The following RPTOR variants were observed in gnomAD, a reference collection of about 807,000 sequenced individuals.
RPTOR encodes the protein regulatory-associated protein of mTOR.
A neutral mutation model predicts 169.9 loss-of-function variants in RPTOR; 21 were observed. That is an observed-to-expected ratio of 0.12 (90% CI 0.09 to 0.18). The LOEUF (loss-of-function observed/expected upper bound fraction) is 0.18. RPTOR is among the 10% of genes least tolerant of loss of function. The probability of loss-of-function intolerance (pLI) is 1.00; values close to 1 mark genes in which losing one functional copy is unlikely to be tolerated. For synonymous variants in RPTOR, 732 were observed against 753.2 expected, an observed-to-expected ratio of 0.97 and a Z score of 0.46; for missense variants, 1,133 against 1,855.9, an observed-to-expected ratio of 0.61 and a Z score of 7.16.
chr17:80,890,463 GA>G (rs1292298138), intron 17 of RPTOR, among the ~76,000 whole-genome samples: 1 of 151,880 alleles, frequency 6.6e-6, no homozygotes, highest in Non-Finnish European at 1.5e-5. Context: ...AGTTGGAGAC[GA>G]GCGCCAGAAC....
Position 80,633,778 on chromosome 17 carries a change from T to C in RPTOR, c.265+7985T>C, listed in dbSNP as rs1208394902. ...CATTTTGAACTCATGGCCTCCATTT[T>C]CATTCAGTGGATTTAGAATCCAGTG... On this transcript the variant is annotated intron_variant, in intron 2 of 33. Coordinates refer to ENST00000306801, the MANE Select transcript of RPTOR (RefSeq NM_020761.3). The surrounding 1 kb of genome is among the most constrained non-coding windows in gnomAD (Gnocchi z 4.1). Among the ~76,000 whole-genome samples, 1 of 152,242 alleles carries C rather than the reference T, an allele frequency of 6.6e-6. No homozygotes were observed. Among genetic ancestry groups the C allele is most frequent in the African/African-American group, 2.4e-5 (1 of 41,468 alleles).
chr17:80,761,968 C>T (rs749158744), intron 6 of RPTOR, among the ~76,000 whole-genome samples: 1 of 152,164 alleles, frequency 6.6e-6, no homozygotes, highest in South Asian at 2.1e-4. Flanking sequence ...TCTGGAGAAA[C>T]GGCTTTATGA....
At chr17:80,815,135 C>T (rs917081143) in intron 7 of RPTOR, among the ~76,000 whole-genome samples, 10 of 152,244 alleles carry the variant, frequency 6.6e-5, no homozygotes, top group Non-Finnish European at 1.2e-4. Flanking sequence ...ATGGCAGCCG[C>T]GTGACTGTGC....
Position 80,663,362 on chromosome 17 carries a change from G to A in RPTOR, c.348+19552G>A, listed in dbSNP as rs74550077. Among the ~76,000 whole-genome samples the A allele has an allele frequency of 5.0e-3, 758 of 152,094 alleles. 4 individuals carry two copies. Among genetic ancestry groups the A allele is most frequent in the Non-Finnish European group, 8.9e-3 (605 of 67,994 alleles). On this transcript the variant is annotated intron_variant, in intron 3 of 33. Coordinates refer to ENST00000306801, the MANE Select transcript of RPTOR (RefSeq NM_020761.3). ...GGTTGTATGTTTCCAGTTACATTTT[G>A]CAAGCCACTCTAAATTGACAAAAAT...
At chr17:80,822,567 C>T (rs1331366836) in intron 8 of RPTOR, among the ~76,000 whole-genome samples, 2 of 152,238 alleles carry the variant, frequency 1.3e-5, no homozygotes, top group Admixed American at 1.3e-4. Context: ...TTACTGCGCA[C>T]CGGCGGCTTA....
At chr17:80,850,438 G>A (rs969261681) in intron 11 of RPTOR, among the ~76,000 whole-genome samples, 5 of 152,224 alleles carry the variant, frequency 3.3e-5, no homozygotes, top group African/African-American at 1.2e-4. Context: ...AGACGCTGCA[G>A]TTTCCTCATC....
At chr17:80,863,869 G>A (rs796266409) in intron 13 of RPTOR, among the ~76,000 whole-genome samples, 11 of 152,306 alleles carry the variant, frequency 7.2e-5, no homozygotes, top group African/African-American at 2.6e-4. Flanking sequence ...GCAAAGAGCC[G>A]TGATTGTGCC....
chr17:80,906,628 C>A (rs1182370677), intron 20 of RPTOR, among the ~76,000 whole-genome samples: 1 of 152,234 alleles, frequency 6.6e-6, no homozygotes, highest in African/African-American at 2.4e-5. Flanking sequence ...AGAATGCTTC[C>A]TTTGGTTGAA....
intron 3 of RPTOR, among the ~76,000 whole-genome samples, chr17:80,689,783 G>T (rs960404324): frequency 6.6e-5 from 10 of 151,994 alleles, no homozygotes; most frequent in African/African-American, 2.4e-4. Context: ...TAAAATTTTT[G>T]ATCAGTGCCC....
chr17:80,736,334 A>G lies in RPTOR; in HGVS notation c.654+5628A>G, dbSNP rs1356059141. ...GTCCAGTCCTGCCACCTGTAGCAGTACACTCCCAAAGCACAGAAACCTGTC... is the reference window on the plus strand; with the variant it reads ...GTCCAGTCCTGCCACCTGTAGCAGTGCACTCCCAAAGCACAGAAACCTGTC... On this transcript the variant is annotated intron_variant, in intron 5 of 33. Coordinates refer to ENST00000306801, the MANE Select transcript of RPTOR (RefSeq NM_020761.3). 2.0e-5 allele frequency among the ~76,000 whole-genome samples: 3 copies of G among 152,148 alleles called. No homozygotes were observed. The East Asian group carries it at 5.8e-4, about 29-fold the overall frequency.
chr17:80,660,981 G>A (rs578079703), intron 3 of RPTOR, among the ~76,000 whole-genome samples: 1 of 152,200 alleles, frequency 6.6e-6, no homozygotes, highest in African/African-American at 2.4e-5. Flanking sequence ...GCCCTTGGGG[G>A]TTTTCCTCTC....
intron 17 of RPTOR, among the ~76,000 whole-genome samples, chr17:80,886,638 G>A (rs571606735): frequency 2.0e-5 from 3 of 152,386 alleles, no homozygotes; most frequent in East Asian, 1.9e-4. Flanking sequence ...TCCCGTGGCC[G>A]GGCTGTGGCC....
intron 6 of RPTOR, among the ~76,000 whole-genome samples, chr17:80,771,894 A>G (rs539363942): frequency 6.6e-6 from 1 of 152,282 alleles, no homozygotes; most frequent in South Asian, 2.1e-4. Context: ...GTCACAGCTC[A>G]CTGCAGCCTC....
chr17:80,561,865 AGTAT>A (rs1371532063), intron 1 of RPTOR, among the ~76,000 whole-genome samples: 4 of 151,550 alleles, frequency 2.6e-5, no homozygotes, highest in African/African-American at 4.9e-5. Context: ...TATACATGTA[AGTAT>A]GTATGTGAAT....
chr17:80,865,112 C>T (rs1432608859), intron 13 of RPTOR, among the ~76,000 whole-genome samples: 1 of 152,244 alleles, frequency 6.6e-6, no homozygotes, highest in African/African-American at 2.4e-5. Flanking sequence ...GGTCTCATAT[C>T]ACCTGCCTGA....
In RPTOR at chr17:80,761,157, TTTGA is replaced by T. The variant is rs1189446299; in HGVS notation, c.830+6977_830+6980del. On this transcript the variant is annotated intron_variant, in intron 6 of 33. Coordinates refer to ENST00000306801, the MANE Select transcript of RPTOR (RefSeq NM_020761.3). ...TTTTCCCTTGGCTGTTTTCTACTTC[TTTGA>T]TTGAGTGGCATAATATCATTTTAGA... Among the ~76,000 whole-genome samples, 22 of 152,340 alleles carry T rather than the reference TTTGA, an allele frequency of 1.4e-4. No homozygotes were observed. In the East Asian group the frequency reaches 4.0e-3, roughly 28 times the overall value.
chr17:80,616,677 A>G (rs1235933987), intron 1 of RPTOR, among the ~76,000 whole-genome samples: 1 of 152,070 alleles, frequency 6.6e-6, no homozygotes, highest in African/African-American at 2.4e-5. Context: ...AGTCTGAGCT[A>G]CTCGGGAGGT....
rs917922825 is a variant in RPTOR, at chr17:80,721,511, G to A, written c.508-9049G>A. ...CCTGGAAAGAGGCACACCCAGCAGCGGGCTCTCCTGGCTCACCCGGGGCCG... is the reference window on the plus strand; with the variant it reads ...CCTGGAAAGAGGCACACCCAGCAGCAGGCTCTCCTGGCTCACCCGGGGCCG... On this transcript the variant is annotated intron_variant, in intron 4 of 33. Transcript: ENST00000306801. The surrounding 1 kb of genome is among the most constrained non-coding windows in gnomAD (Gnocchi z 4.7). Among the ~76,000 whole-genome samples, 2 of 151,358 alleles carry A rather than the reference G, an allele frequency of 1.3e-5. No individual in the cohort carries two copies. The highest frequency in any genetic ancestry group is 2.5e-5 in the African/African-American group (1 of 40,638).
intron 1 of RPTOR, among the ~76,000 whole-genome samples, chr17:80,576,576 T>C (rs993290198): frequency 4.6e-5 from 7 of 152,242 alleles, no homozygotes; most frequent in African/African-American, 1.7e-4. Context: ...TCGCTCTCCT[T>C]TCCTTTAGCG....
Sources: gnomAD v4.1 joint callset for allele counts (sites outside exome capture counted in the v4.1 genomes callset) on GRCh38, gnomAD v4.1.1 for gene constraint, Gnocchi (gnomAD v3.1) non-coding constraint, MANE v1.5 for transcripts, NCBI Gene and HGNC (gene_info 2026-07-23, HGNC 2026-07-21) for gene names.